The following SLC39A11 variants were observed in gnomAD, a reference collection of about 807,000 sequenced individuals.
The protein encoded by SLC39A11 is solute carrier family 39 member 11, also known as zinc transporter ZIP11.
A neutral mutation model predicts 36.1 loss-of-function variants in SLC39A11; 33 were observed. That is an observed-to-expected ratio of 0.91 (90% CI 0.69 to 1.22). The LOEUF (loss-of-function observed/expected upper bound fraction) is 1.22. Ranked by LOEUF, SLC39A11 falls within the 50% of genes most tolerant of loss-of-function variation. The pLI, the probability that SLC39A11 is intolerant of heterozygous loss-of-function variation, is 0.00. For missense variants in SLC39A11, 432 were observed against 430.3 expected (o/e 1.00, Z -0.03); for synonymous variants, 166 against 170.3 (o/e 0.97, Z 0.20).
chr17:73,059,943 C>A (rs978485921), intron 3 of SLC39A11, among the ~76,000 whole-genome samples: 1 of 151,902 alleles, frequency 6.6e-6, no homozygotes, highest in African/African-American at 2.4e-5. Flanking sequence ...GGCGTGGTGA[C>A]TCACCCCTGT....
intron 7 of SLC39A11, among the ~76,000 whole-genome samples, chr17:72,715,752 G>A (rs531826947): frequency 2.6e-5 from 4 of 152,200 alleles, no homozygotes; most frequent in African/African-American, 7.2e-5. Flanking sequence ...CACCCAGGCT[G>A]GAGTACAGTG....
chr17:73,018,195 T>C (rs917705986), intron 4 of SLC39A11, among the ~76,000 whole-genome samples: 3 of 152,218 alleles, frequency 2.0e-5, no homozygotes, highest in African/African-American at 7.2e-5. Flanking sequence ...CTCTTTAAGA[T>C]GACTAAATCT....
chr17:72,663,740 G>A (rs937976009), intron 7 of SLC39A11: 1 of 152,094 alleles, frequency 6.6e-6, no homozygotes, highest in African/African-American at 2.4e-5. Context: ...GGATATGAAC[G>A]TCTGTCCCGC....
At chr17:72,854,239 G>T (rs1050604285) in intron 5 of SLC39A11, among the ~76,000 whole-genome samples, 4 of 151,440 alleles carry the variant, frequency 2.6e-5, no homozygotes, top group African/African-American at 9.7e-5. Flanking sequence ...GTGGACTCAG[G>T]AGTCGACTCA....
intron 7 of SLC39A11, among the ~76,000 whole-genome samples, chr17:72,688,930 ATC>A (rs1405528288): frequency 6.6e-6 from 1 of 152,136 alleles, no homozygotes. Context: ...GATTTGTGAC[ATC>A]TGTCTATTCA....
At chr17:72,958,728 G>A (rs963508577) in intron 4 of SLC39A11, among the ~76,000 whole-genome samples, 2 of 152,104 alleles carry the variant, frequency 1.3e-5, no homozygotes, top group Non-Finnish European at 1.5e-5. Context: ...GCATGCACCT[G>A]TAACCTCAGC....
At chr17:72,996,906 G>C (rs779496064) in intron 4 of SLC39A11, among the ~76,000 whole-genome samples, 3 of 152,082 alleles carry the variant, frequency 2.0e-5, no homozygotes, top group African/African-American at 2.4e-5. Context: ...CCTTGTTACT[G>C]CTCTTCCTTT....
intron 6 of SLC39A11, among the ~76,000 whole-genome samples, chr17:72,793,605 A>T (rs1050034224): frequency 1.1e-4 from 16 of 151,958 alleles, no homozygotes; most frequent in East Asian, 3.9e-4. Context: ...ATTTTTTTTT[A>T]AAAACACAGA....
At chr17:72,694,027 TC>T (rs1255884448) in intron 7 of SLC39A11, among the ~76,000 whole-genome samples, 1 of 152,070 alleles carries the variant, frequency 6.6e-6, no homozygotes, top group Non-Finnish European at 1.5e-5. Flanking sequence ...CAGAGTCCTC[TC>T]CTTGCTCAGT....
intron 6 of SLC39A11, among the ~76,000 whole-genome samples, chr17:72,826,212 G>C (rs1040170759): frequency 1.3e-5 from 2 of 152,108 alleles, no homozygotes; most frequent in African/African-American, 4.8e-5. Context: ...CATGAGACCT[G>C]GTTGTTTAAA....
rs574067301 is a variant in SLC39A11, at chr17:72,983,990, G to A, written c.307-36115C>T. Among the ~76,000 whole-genome samples, 6 of 152,260 alleles carry A rather than the reference G, an allele frequency of 3.9e-5. No homozygotes were observed. The South Asian group carries it at 1.0e-3, about 26-fold the overall frequency. On this transcript the variant is annotated intron_variant, in intron 4 of 9. Transcript: ENST00000255559. ...CCTTTCCTGAGTGCTGTTCAGGGGG[G>A]TGGCAAGCTCCAGAGAAGTGCCAGC... is the stretch of plus-strand genomic sequence containing the variant.
intron 5 of SLC39A11, among the ~76,000 whole-genome samples, chr17:72,931,887 T>C (rs1253874303): frequency 1.3e-5 from 2 of 152,220 alleles, no homozygotes; most frequent in East Asian, 3.8e-4. Context: ...CAAAGTCCAC[T>C]GTGACTAGTG....
At chr17:72,853,732 C>T (rs7224978) in intron 5 of SLC39A11, among the ~76,000 whole-genome samples, 3,371 of 152,232 alleles carry the variant, frequency 0.022, 128 homozygotes, top group African/African-American at 0.077. Flanking sequence ...ACTAATGAGT[C>T]TGCAACAAGG....
intron 3 of SLC39A11, among the ~76,000 whole-genome samples, chr17:73,047,993 ATATATATATATATATATAT>A (rs1568185882): frequency 0.013 from 732 of 54,986 alleles, 32 homozygotes; most frequent in African/African-American, 0.034. Flanking sequence ...AAAAAAAAAT[ATATATATATATATATATAT>A]ATATATATAT....
chr17:72,724,450 G>T (rs894442540), intron 7 of SLC39A11, among the ~76,000 whole-genome samples: 5 of 152,188 alleles, frequency 3.3e-5, no homozygotes, highest in African/African-American at 1.2e-4. Context: ...AGAAAGCGGT[G>T]GGGGGGAGTG....
rs899915454 is a variant in SLC39A11, at chr17:72,942,115, C to T, written c.430+5637G>A. ...TTCACCATGTTGGCCAGGCTGGTCT[C>T]GAACTCCTGACCTGAGGTGATCCAC... On this transcript the variant is annotated intron_variant, in intron 5 of 9. Transcript: ENST00000255559. Among the ~76,000 whole-genome samples the T allele has an allele frequency of 7.9e-5, 12 of 151,426 alleles. No homozygotes were observed. In the East Asian group the frequency reaches 1.9e-3, roughly 25 times the overall value.
chr17:72,750,693 T>C (rs2075122755), intron 6 of SLC39A11, among the ~76,000 whole-genome samples: 1 of 151,908 alleles, frequency 6.6e-6, no homozygotes. Context: ...TATGTTTTGC[T>C]ACATGGAGGG....
At chr17:72,675,148 C>T (rs548969790) in intron 7 of SLC39A11, among the ~76,000 whole-genome samples, 8 of 152,174 alleles carry the variant, frequency 5.3e-5, no homozygotes, top group South Asian at 2.1e-4. Context: ...TGTGTGTGCC[C>T]CCAAATTTCA....
chr17:72,662,550 GAA>G (rs1567917881), intron 7 of SLC39A11, among the ~76,000 whole-genome samples: 4 of 43,880 alleles, frequency 9.1e-5, no homozygotes, highest in South Asian at 5.6e-4. Context: ...AGAAAGAAAA[GAA>G]AAAAGAAAAG....
Sources: allele counts gnomAD v4.1 joint callset (sites outside exome capture counted in the v4.1 genomes callset), GRCh38; gene constraint gnomAD v4.1.1; transcripts MANE v1.5; gene names NCBI Gene and HGNC (gene_info 2026-07-23, HGNC 2026-07-21).